NOL10: variants seen among roughly 807,000 people sequenced by gnomAD.
NOL10 encodes nucleolar protein 10.
A neutral mutation model predicts 103.5 loss-of-function variants in NOL10; 58 were observed. The ratio of observed to expected loss-of-function variants is 0.56; its 90% CI spans 0.45 to 0.70. NOL10 has a LOEUF of 0.70. Ranked by LOEUF, NOL10 falls within the 30% of genes least tolerant of loss-of-function variation. The pLI is 0.00. For synonymous variants in NOL10, 287 were observed against 282.5 expected (o/e 1.02, Z -0.16); for missense variants, 763 against 807.3 (o/e 0.95, Z 0.67).
Position 10,668,700 on chromosome 2 carries a change from A to G in NOL10, c.488T>C (p.Leu163Ser). The G allele has an allele frequency of 1.9e-6, 3 of 1,539,788 alleles. No individual in the cohort carries two copies. The highest frequency in any genetic ancestry group is 1.8e-6 in the Non-Finnish European group (2 of 1,131,470). Residue 163 changes from leucine (L) to serine (S), a missense_variant, in exon 7 of 21, where the codon TTA becomes TCA. Leu to Ser is a moderately radical substitution (Grantham distance 145). Coordinates refer to ENST00000381685, the MANE Select transcript of NOL10 (RefSeq NM_024894.4). ...AGGATTCAGGTATCGTCCTTGTTCT[A>G]AGTTTAACCTATAAACTTCAGAACT... ...GASSEVYRLNLEQGRYLNPLQ... is the reference protein window; with the variant it reads ...GASSEVYRLNSEQGRYLNPLQ...
chr2:10,689,573 T>C (rs1279263568), intron 1 of NOL10, among the ~76,000 whole-genome samples: 3 of 152,234 alleles, frequency 2.0e-5, no homozygotes, highest in Non-Finnish European at 2.9e-5. Context: ...TCACTGACCC[T>C]GATTATCCCT....
chr2:10,654,700 A>C (rs1558326473), intron 11 of NOL10, among the ~76,000 whole-genome samples, 153 bp from the exon 12 acceptor site: 1 of 152,216 alleles, frequency 6.6e-6, no homozygotes, highest in Non-Finnish European at 1.5e-5. Flanking sequence ...AAAATCTTAG[A>C]GAATTTATCT....
rs1675875192 is a variant in NOL10, at chr2:10,599,736, G to A, written c.1422+1117C>T. Among the ~76,000 whole-genome samples, 2 of 152,132 alleles carry A rather than the reference G, an allele frequency of 1.3e-5. 1 individual carries two copies. Among genetic ancestry groups the A allele is most frequent in the South Asian group, 4.1e-4 (2 of 4,820 alleles). On this transcript the variant is annotated intron_variant, in intron 17 of 20. Coordinates refer to ENST00000381685, the MANE Select transcript of NOL10 (RefSeq NM_024894.4). ...GACTAAGGAAGCAGAAGACAGCAAG[G>A]GGGAGTCTTGAGTCTGAATCCATTT...
intron 13 of NOL10, among the ~76,000 whole-genome samples, chr2:10,617,234 T>C (rs1447841935): frequency 6.6e-6 from 1 of 151,842 alleles, no homozygotes; most frequent in Admixed American, 6.6e-5. Flanking sequence ...GGCCTAGAGG[T>C]TGGAATTGCT....
At chr2:10,642,649 T>C (rs963181340) in intron 13 of NOL10, among the ~76,000 whole-genome samples, 3 of 152,092 alleles carry the variant, frequency 2.0e-5, no homozygotes, top group African/African-American at 4.8e-5. Flanking sequence ...TCCGATCTAC[T>C]GTCCAACCTG....
At chr2:10,624,673 AAG>A (rs1491537768) in intron 13 of NOL10, among the ~76,000 whole-genome samples, 2 of 152,178 alleles carry the variant, frequency 1.3e-5, no homozygotes, top group African/African-American at 4.8e-5. Flanking sequence ...TAAAAAAAAA[AAG>A]AAATACAAAA....
At chr2:10,598,687 C>A (rs1256660251) in intron 17 of NOL10, among the ~76,000 whole-genome samples, 1 of 152,156 alleles carries the variant, frequency 6.6e-6, no homozygotes, top group Non-Finnish European at 1.5e-5. Flanking sequence ...CTTATCCAAA[C>A]TTAGAAAGTG....
At chr2:10,642,579 G>A (rs12692420) in intron 13 of NOL10, among the ~76,000 whole-genome samples, 44,116 of 151,752 alleles carry the variant, frequency 0.29, 7,048 homozygotes, top group Non-Finnish European at 0.37. Flanking sequence ...CCACAGGCTC[G>A]AATGCTCAGC....
intron 3 of NOL10, 55 bp downstream of exon 3, chr2:10,681,916 T>C: frequency 1.4e-6 from 1 of 692,352 alleles, no homozygotes; most frequent in Non-Finnish European, 2.2e-6. Flanking sequence ...ACCTTTCCCA[T>C]CGCAGCATTT....
chr2:10,614,650 A>G (rs1418046314), intron 13 of NOL10, among the ~76,000 whole-genome samples: 1 of 152,234 alleles, frequency 6.6e-6, no homozygotes, highest in Non-Finnish European at 1.5e-5. Flanking sequence ...CTAATAAATC[A>G]GGTCCAGTCA....
chr2:10,676,164 A>C (rs191893219), intron 3 of NOL10, among the ~76,000 whole-genome samples: 12 of 152,328 alleles, frequency 7.9e-5, no homozygotes, highest in African/African-American at 2.2e-4. Context: ...AGATTAAAAA[A>C]CGGTTAATAT....
At chr2:10,582,005 T>C (rs1477622262) in intron 19 of NOL10, among the ~76,000 whole-genome samples, 1 of 152,188 alleles carries the variant, frequency 6.6e-6, no homozygotes, top group Non-Finnish European at 1.5e-5. Context: ...CAGCCCACAC[T>C]CTTAAGTGTT....
intron 13 of NOL10, among the ~76,000 whole-genome samples, chr2:10,643,921 C>CAT (rs1364965788): frequency 2.6e-5 from 4 of 152,182 alleles, no homozygotes; most frequent in Non-Finnish European, 5.9e-5. Flanking sequence ...TACACAGCCA[C>CAT]ATGTAGACCC....
intron 14 of NOL10, among the ~76,000 whole-genome samples, chr2:10,606,379 C>T (rs1676258827): frequency 6.6e-6 from 1 of 151,992 alleles, no homozygotes; most frequent in African/African-American, 2.4e-5. Context: ...AATCCCAGTA[C>T]TTTGAGAGGC....
intron 13 of NOL10, among the ~76,000 whole-genome samples, chr2:10,618,902 C>T (rs971794840): frequency 3.3e-5 from 5 of 152,210 alleles, no homozygotes; most frequent in African/African-American, 1.2e-4. Flanking sequence ...CAATTCACTC[C>T]TTTTCCTTGT....
At position 10,621,296 on chromosome 2, in the gene NOL10, C is replaced by T. The variant is rs539857104; in HGVS notation, c.1027-13985G>A. ...GCAAAAAAAACCAACTGCTATAATT[C>T]AATCAAAAATTTAACTTTGGGATGT... On this transcript the variant is annotated intron_variant, in intron 13 of 20. Coordinates refer to ENST00000381685, the MANE Select transcript of NOL10 (RefSeq NM_024894.4). Among the ~76,000 whole-genome samples the T allele has an allele frequency of 8.5e-5, 13 of 152,092 alleles. No homozygotes were observed. In the East Asian group the frequency reaches 2.5e-3, roughly 29 times the overall value.
rs182499444 is a variant in NOL10, at chr2:10,673,629, A to C, written c.290-72T>G. On this transcript the variant is annotated intron_variant, in intron 4 of 20. Coordinates refer to ENST00000381685, the MANE Select transcript of NOL10 (RefSeq NM_024894.4). ...TAGTAACAACGCAAACCTGATGCAA[A>C]GATTCTAATTCAACACAGAAATTAT... 4 of 1,012,556 alleles carry C rather than the reference A, an allele frequency of 4.0e-6. No individual in the cohort carries two copies. In the Admixed American group the frequency reaches 9.3e-5, roughly 24 times the overall value. The allele number at this position is 1,012,556 out of a possible 1,614,324, so 62.7% of individuals were successfully genotyped here. A position where few individuals can be genotyped will look rare whatever the true frequency, so the allele number is the denominator to read the frequency against.
intron 14 of NOL10, 121 bp downstream of exon 14, chr2:10,607,064 G>A: frequency 1.8e-6 from 1 of 541,484 alleles, no homozygotes; most frequent in Non-Finnish European, 3.0e-6. Context: ...ATCTGATTTG[G>A]CAGAAAGGGA....
intron 17 of NOL10, among the ~76,000 whole-genome samples, chr2:10,593,171 C>A (rs966714295): frequency 4.6e-5 from 7 of 150,710 alleles, no homozygotes; most frequent in African/African-American, 1.7e-4. Context: ...TGGGGTCTTG[C>A]TCTGTCACGC....
Sources: allele counts gnomAD v4.1 joint callset (sites outside exome capture counted in the v4.1 genomes callset), GRCh38; gene constraint gnomAD v4.1.1; transcripts MANE v1.5; gene names NCBI Gene and HGNC (gene_info 2026-07-23, HGNC 2026-07-21).